XYLT1: variants seen among roughly 807,000 people sequenced by gnomAD.
XYLT1 encodes the protein beta-D-xylosyltransferase 1.
A neutral mutation model predicts 91.3 loss-of-function variants in XYLT1; 36 were observed. The observed-to-expected ratio is 0.39, with a 90% confidence interval of 0.30 to 0.52. XYLT1 has a LOEUF of 0.52. Ranked by LOEUF, XYLT1 falls within the 20% of genes least tolerant of loss-of-function variation. The pLI is 0.68. For missense variants in XYLT1, 1,242 were observed against 1,284.5 expected (o/e 0.97, Z 0.51); for synonymous variants, 588 against 532.0 (o/e 1.11, Z -1.45).
intron 1 of XYLT1, among the ~76,000 whole-genome samples, chr16:17,390,148 A>G (rs749589951): frequency 6.6e-6 from 1 of 152,202 alleles, no homozygotes; most frequent in Non-Finnish European, 1.5e-5. Context: ...TAATCCGAAC[A>G]TCATTTCCAT....
At chr16:17,456,255 TTTGA>T (rs1246159807) in intron 1 of XYLT1, among the ~76,000 whole-genome samples, 2 of 151,868 alleles carry the variant, frequency 1.3e-5, no homozygotes, top group Non-Finnish European at 2.9e-5. Context: ...TATGTGGTGG[TTTGA>T]TCTTGGGCAA....
rs199936756 is a variant in XYLT1, at chr16:17,207,982, C to CT, written c.914-7329dup. On this transcript the variant is annotated intron_variant, in intron 3 of 11. Coordinates refer to ENST00000261381, the MANE Select transcript of XYLT1 (RefSeq NM_022166.4). ...TTCATTTAAAAAATATTTTTAATGA[C>CT]TTTTTTTTCTTTTTCTTTTTCAGAG... 2.8e-3 allele frequency among the ~76,000 whole-genome samples: 425 copies of CT among 152,080 alleles called. 3 individuals carry two copies. The highest frequency in any genetic ancestry group is 9.9e-3 in the African/African-American group (409 of 41,484).
chr16:17,260,417 C>G (rs748470402), intron 2 of XYLT1, among the ~76,000 whole-genome samples: 8 of 152,180 alleles, frequency 5.3e-5, no homozygotes, highest in Admixed American at 3.9e-4. Flanking sequence ...TCCTACAACA[C>G]GGCCCCTGAC....
intron 1 of XYLT1, among the ~76,000 whole-genome samples, chr16:17,409,710 C>T (rs556933603): frequency 4.0e-5 from 6 of 151,890 alleles, no homozygotes; most frequent in East Asian, 3.9e-4. Context: ...CCACCACGTC[C>T]GACTAATTTT....
intron 1 of XYLT1, among the ~76,000 whole-genome samples, chr16:17,387,732 C>T (rs2035764375): frequency 6.6e-6 from 1 of 152,106 alleles, no homozygotes; most frequent in African/African-American, 2.4e-5. Flanking sequence ...CACATGGAAC[C>T]CCTTCTCCTC....
chr16:17,209,290 G>C (rs768367604), intron 3 of XYLT1, among the ~76,000 whole-genome samples: 1 of 152,164 alleles, frequency 6.6e-6, no homozygotes, highest in Non-Finnish European at 1.5e-5. Flanking sequence ...TTCACTTGGC[G>C]CAGTGCCCTC....
chr16:17,289,987 T>A (rs566746059), intron 2 of XYLT1, among the ~76,000 whole-genome samples: 89 of 152,374 alleles, frequency 5.8e-4, no homozygotes, highest in Middle Eastern at 3.4e-3. Context: ...GATATCTATC[T>A]CATCCAAAAA....
rs569810556 is a variant in XYLT1, at chr16:17,390,774, G to A, written c.364-32724C>T. On this transcript the variant is annotated intron_variant, in intron 1 of 11. Transcript: ENST00000261381. Reference sequence around the variant, plus strand: ...GCCTTGGCCAGGGGCAGTGGCTCACGCCTGTAATCCCAACACTTTGGGAGC... The same window carrying A: ...GCCTTGGCCAGGGGCAGTGGCTCACACCTGTAATCCCAACACTTTGGGAGC... Among the ~76,000 whole-genome samples, 5 of 152,280 alleles carry A rather than the reference G, an allele frequency of 3.3e-5. No individual in the cohort carries two copies. The South Asian group carries it at 8.3e-4, about 25-fold the overall frequency.
At chr16:17,112,638 A>G (rs1348313094) in intron 11 of XYLT1, among the ~76,000 whole-genome samples, 1 of 152,162 alleles carries the variant, frequency 6.6e-6, no homozygotes, top group Non-Finnish European at 1.5e-5. Flanking sequence ...AAAGATGTGA[A>G]CTAGATCAAG....
At chr16:17,361,975 A>G (rs1033666208) in intron 1 of XYLT1, among the ~76,000 whole-genome samples, 1 of 152,220 alleles carries the variant, frequency 6.6e-6, no homozygotes, top group Non-Finnish European at 1.5e-5. Flanking sequence ...AGATACTATC[A>G]TTATCACTAT....
intron 1 of XYLT1, among the ~76,000 whole-genome samples, chr16:17,446,700 C>T (rs974968229): frequency 1.3e-5 from 2 of 152,200 alleles, no homozygotes; most frequent in Non-Finnish European, 2.9e-5. Flanking sequence ...CCATCGTCTG[C>T]ATTACAAGGA....
chr16:17,183,713 G>A (rs954341489), intron 5 of XYLT1, among the ~76,000 whole-genome samples: 2 of 152,176 alleles, frequency 1.3e-5, no homozygotes, highest in Non-Finnish European at 2.9e-5. Flanking sequence ...TTAGCTACTG[G>A]AGTATGGCAG....
At chr16:17,204,287 A>G (rs2032599044) in intron 3 of XYLT1, among the ~76,000 whole-genome samples, 1 of 152,242 alleles carries the variant, frequency 6.6e-6, no homozygotes, top group Non-Finnish European at 1.5e-5. Context: ...AGACAGACAC[A>G]GACATGGATG....
At chr16:17,431,706 A>G (rs1320513443) in intron 1 of XYLT1, among the ~76,000 whole-genome samples, 1 of 152,254 alleles carries the variant, frequency 6.6e-6, no homozygotes, top group Non-Finnish European at 1.5e-5. Context: ...CGATCAATGC[A>G]GGTAAACGAA....
chr16:17,352,470 G>A (rs548549361), intron 2 of XYLT1, among the ~76,000 whole-genome samples: 1 of 152,248 alleles, frequency 6.6e-6, no homozygotes, highest in South Asian at 2.1e-4. Flanking sequence ...TGACACAAAA[G>A]CACTGAAGGA....
chr16:17,292,925 G>T (rs2034253250), intron 2 of XYLT1, among the ~76,000 whole-genome samples: 1 of 152,120 alleles, frequency 6.6e-6, no homozygotes, highest in Non-Finnish European at 1.5e-5. Flanking sequence ...AGTGGGCAGG[G>T]TCACTGTGTG....
At chr16:17,244,270 T>TG (rs201875203) in intron 3 of XYLT1, among the ~76,000 whole-genome samples, 1,960 of 151,990 alleles carry the variant, frequency 0.013, 23 homozygotes, top group Admixed American at 0.027. Context: ...GGTGGGGCCT[T>TG]GGGGGGTCTG....
intron 1 of XYLT1, among the ~76,000 whole-genome samples, chr16:17,367,398 C>G (rs577993257): frequency 1.3e-5 from 2 of 152,182 alleles, no homozygotes; most frequent in African/African-American, 2.4e-5. Flanking sequence ...TGGGAACACA[C>G]GCCACATCTA....
At chr16:17,309,458 G>A (rs1210378773) in intron 2 of XYLT1, among the ~76,000 whole-genome samples, 1 of 152,170 alleles carries the variant, frequency 6.6e-6, no homozygotes, top group Non-Finnish European at 1.5e-5. Context: ...CCATACCTGG[G>A]TAGGGCAAGC....
Sources: gnomAD v4.1 joint callset for allele counts (sites outside exome capture counted in the v4.1 genomes callset) on GRCh38, gnomAD v4.1.1 for gene constraint, MANE v1.5 for transcripts, NCBI Gene and HGNC (gene_info 2026-07-23, HGNC 2026-07-21) for gene names.